The following CDT1 variants were observed in gnomAD, a reference collection of about 807,000 sequenced individuals.
CDT1 encodes the protein DNA replication factor Cdt1.
In CDT1, 66 loss-of-function variants were observed where a neutral mutation model predicts 49.3. The observed-to-expected ratio is 1.34, with a 90% CI of 1.10 to 1.64. The LOEUF (loss-of-function observed/expected upper bound fraction) is 1.64, where lower values mean the gene tolerates loss of function less well. Ranked by LOEUF, CDT1 falls within the 40% of genes most tolerant of loss-of-function variation. The pLI is 0.00. For synonymous variants in CDT1, 424 were observed against 347.4 expected (o/e 1.22, Z -2.45); for missense variants, 958 against 807.7 (o/e 1.19, Z -2.26).
At position 88,808,360 on chromosome 16, in the gene CDT1, T is replaced by C. The variant is rs1908953050; in HGVS notation, c.*82T>C. 6.8e-7 allele frequency: 1 copy of C among 1,468,224 alleles called. No individual in the cohort carries two copies. The highest frequency in any genetic ancestry group is 1.4e-5 in the African/African-American group (1 of 71,204). The allele number at this position is 1,468,224 out of a possible 1,614,324, so 90.9% of individuals were successfully genotyped here. A position where few individuals can be genotyped will look rare whatever the true frequency, so the allele number is the denominator to read the frequency against. On this transcript the variant is annotated 3_prime_UTR_variant, in exon 10 of 10. Coordinates refer to ENST00000301019, the MANE Select transcript of CDT1 (RefSeq NM_030928.4). ...CCAGCATTTTCTTTTATGAACATGA[T>C]ACACTTTGGCCTTCCTTTCCCCAGC... is the stretch of plus-strand genomic sequence containing the variant.
Position 88,804,632 on chromosome 16 carries a change from G to A in CDT1, c.316G>A (p.Gly106Ser), listed in dbSNP as rs377400945. The change falls in exon 2 of 10, where the codon GGT becomes AGT. Residue 106 changes from glycine (G) to serine (S), a missense_variant. Gly to Ser is a moderately conservative substitution (Grantham distance 56). Coordinates refer to ENST00000301019, the MANE Select transcript of CDT1 (RefSeq NM_030928.4). ...GATAAAGAAATCCACCCCGGCAGCA[G>A]GTCAGCCGCCCCACCTGACATCCGC... The part of the protein sequence containing the change: ...QKIKKSTPAA[G>S]QPPHLTSAQD... 6.2e-6 allele frequency: 10 copies of A among 1,612,678 alleles called. No homozygotes were observed. The highest frequency in any genetic ancestry group is 8.5e-6 in the Non-Finnish European group (10 of 1,179,824).
intron 3 of CDT1, among the ~76,000 whole-genome samples, 193 bp downstream of exon 3, chr16:88,805,091 C>T (rs992579173): frequency 9.9e-5 from 15 of 152,222 alleles, no homozygotes; most frequent in African/African-American, 2.9e-4. Context: ...GTCCCTCCTG[C>T]GGGGGGCAGC....
At chr16:88,804,401 GACC>G in intron 1 of CDT1, 141 bp from the exon 2 acceptor site, 1 of 1,105,234 alleles carries the variant, frequency 9.0e-7, no homozygotes, top group South Asian at 1.5e-5. Flanking sequence ...CCTTAGCACA[GACC>G]ACCATCTACG....
intron 1 of CDT1, 117 bp from the exon 2 acceptor site, chr16:88,804,428 C>T (rs1567500615): frequency 2.2e-6 from 3 of 1,337,300 alleles, no homozygotes; most frequent in African/African-American, 1.5e-5. Context: ...AGTCCTAAGC[C>T]CCCCAGCCAT....
Position 88,808,315 on chromosome 16 carries a change from A to T in CDT1, c.*37A>T. The T allele has an allele frequency of 6.5e-7, 1 of 1,549,370 alleles. No homozygotes were observed. The highest frequency in any genetic ancestry group is 8.7e-7 in the Non-Finnish European group (1 of 1,145,572). On this transcript the variant is annotated 3_prime_UTR_variant, in exon 10 of 10. Coordinates refer to ENST00000301019, the MANE Select transcript of CDT1 (RefSeq NM_030928.4). ...ACTGTGGACAGACGTGGGCTTCAGAAGCTCGCTGGCCTGGGCCCACCAGCA... is the reference window on the plus strand; with the variant it reads ...ACTGTGGACAGACGTGGGCTTCAGATGCTCGCTGGCCTGGGCCCACCAGCA...
At chr16:88,805,080 A>C (rs565227264) in intron 3 of CDT1, among the ~76,000 whole-genome samples, 182 bp downstream of exon 3, 1 of 152,230 alleles carries the variant, frequency 6.6e-6, no homozygotes, top group African/African-American at 2.4e-5. Context: ...CTGTGCCCTC[A>C]GTCCCTCCTG....
chr16:88,806,406 G>T, intron 6 of CDT1, 80 bp from the exon 7 acceptor site: 2 of 1,517,678 alleles, frequency 1.3e-6, no homozygotes, highest in Non-Finnish European at 1.8e-6. Context: ...CGGCTGGGAC[G>T]TAAGCACAGG....
chr16:88,805,115 ACT>A (rs1454534094), intron 3 of CDT1, among the ~76,000 whole-genome samples: 4 of 152,036 alleles, frequency 2.6e-5, no homozygotes, highest in Non-Finnish European at 5.9e-5. Context: ...TGCCTCGGGG[ACT>A]CTGGCAGGTT....
At chr16:88,805,406 A>G (rs1908811193) in intron 3 of CDT1, 34 bp from the exon 4 acceptor site, 5 of 1,610,036 alleles carry the variant, frequency 3.1e-6, no homozygotes, top group Non-Finnish European at 4.2e-6. Context: ...GTAGGGGCCT[A>G]CTGCTTCTCA....
chr16:88,804,208 G>A (rs908219754), intron 1 of CDT1, 149 bp downstream of exon 1: 1 of 674,708 alleles, frequency 1.5e-6, no homozygotes, highest in Non-Finnish European at 2.3e-6. Context: ...GACAGGCCGG[G>A]GGATCCTGGG....
At chr16:88,805,149 G>T (rs529817157) in intron 3 of CDT1, among the ~76,000 whole-genome samples, 1 of 152,372 alleles carries the variant, frequency 6.6e-6, no homozygotes, top group Admixed American at 6.5e-5. Context: ...TGATGCATTG[G>T]TGTGTTGTCT....
In CDT1 at chr16:88,805,493, T is replaced by G. The variant is rs148460469; in HGVS notation, c.542T>G (p.Leu181Arg). 14 of 1,612,866 alleles carry G rather than the reference T, an allele frequency of 8.7e-6. No individual in the cohort carries two copies. The highest frequency in any genetic ancestry group is 1.2e-5 in the Non-Finnish European group (14 of 1,179,952). The change falls in exon 4 of 10, where the codon CTG becomes CGG. Residue 181 changes from leucine (L) to arginine (R), a missense_variant. By Grantham distance (102) the Leu-to-Arg change is moderately radical. Transcript: ENST00000301019. ...TTCCATGCCCTGGCCCAGCCCGGCCTGCCGGGACTCGTGCTGCCCTACAAG... is the reference window on the plus strand; with the variant it reads ...TTCCATGCCCTGGCCCAGCCCGGCCGGCCGGGACTCGTGCTGCCCTACAAG... ...QRFHALAQPG[L>R]PGLVLPYKYQ... is the part of the protein sequence containing the mutation.
In CDT1 at chr16:88,805,302, G is replaced by A. The variant is rs372287624; in HGVS notation, c.489-138G>A. On this transcript the variant is annotated intron_variant, in intron 3 of 9. Transcript: ENST00000301019. ...TACCCCTAACGGTGCCAGTGCTGGT[G>A]GGTGTGCAAGGGCCGCGAAAGCCAT... 2.7e-5 allele frequency: 26 copies of A among 974,444 alleles called. No homozygotes were observed. In the East Asian group the frequency reaches 3.1e-4, roughly 12 times the overall value. The allele number at this position is 974,444 out of a possible 1,614,324, so 60.4% of individuals were successfully genotyped here. A position where few individuals can be genotyped will look rare whatever the true frequency, so the allele number is the denominator to read the frequency against.
rs1340348216 is a variant in CDT1 at position 88,805,617 on chromosome 16, C to T, written c.666C>T (p.Gly222=). ...ETPTFAKVQR[G]VQDMMRRRFE... ...CCACCTTTGCCAAGGTCCAGCGGGG[C>T]GTCCAGGACATGATGCGTAGGTGAG... The change falls in exon 4 of 10, where the codon GGC becomes GGT. Residue 222 remains glycine (G), a synonymous_variant. Transcript: ENST00000301019. 6.8e-6 allele frequency: 11 copies of T among 1,612,654 alleles called. No individual in the cohort carries two copies. The highest frequency in any genetic ancestry group is 1.3e-5 in the African/African-American group (1 of 75,038).
intron 1 of CDT1, 45 bp downstream of exon 1, chr16:88,804,104 A>G: frequency 1.7e-6 from 2 of 1,190,746 alleles, no homozygotes; most frequent in South Asian, 2.1e-5. Context: ...GGGGGCGGGG[A>G]GACTGAGGCC....
intron 3 of CDT1, 44 bp downstream of exon 3, chr16:88,804,942 G>A (rs1597504577): frequency 6.5e-7 from 1 of 1,532,876 alleles, no homozygotes; most frequent in Non-Finnish European, 8.7e-7. Flanking sequence ...CAAAGGCCGG[G>A]TTGGTGGCAG....
chr16:88,808,056 G>T, intron 9 of CDT1, 59 bp from the exon 10 acceptor site: 1 of 1,580,392 alleles, frequency 6.3e-7, no homozygotes, highest in Non-Finnish European at 8.6e-7. Context: ...GGTTTCAAGT[G>T]CTGCCCGTGC....
Position 88,804,023 on chromosome 16 carries a change from A to AC in CDT1, c.194dup (p.Ala66GlyfsTer57). 5.5e-6 allele frequency: 8 copies of AC among 1,456,318 alleles called. No individual in the cohort carries two copies. The highest frequency in any genetic ancestry group is 7.2e-6 in the Non-Finnish European group (8 of 1,110,626). The allele number at this position is 1,456,318 out of a possible 1,614,324, so 90.2% of individuals were successfully genotyped here. A position where few individuals can be genotyped will look rare whatever the true frequency, so the allele number is the denominator to read the frequency against. On this transcript the variant is annotated frameshift_variant, in exon 1 of 10. Transcript: ENST00000301019. LOFTEE classifies it high-confidence loss of function. ...CCCCCGGACGCGACCAGGCCAGGCCACCGGCCCGCAGGAGACTGCGGCTGT... is the reference window on the plus strand; with the variant it reads ...CCCCCGGACGCGACCAGGCCAGGCCACCCGGCCCGCAGGAGACTGCGGCTGT...
chr16:88,806,382 T>A, intron 6 of CDT1, 104 bp from the exon 7 acceptor site: 1 of 1,376,586 alleles, frequency 7.3e-7, no homozygotes, highest in Non-Finnish European at 1.0e-6. Flanking sequence ...CTGAGTGACT[T>A]GCCCGAGGCG....
Sources: gnomAD v4.1 joint callset for allele counts (sites outside exome capture counted in the v4.1 genomes callset) on GRCh38, gnomAD v4.1.1 for gene constraint, MANE v1.5 for transcripts, NCBI Gene and HGNC (gene_info 2026-07-23, HGNC 2026-07-21) for gene names.